The following RHEB variants were observed in gnomAD, a reference collection of about 807,000 sequenced individuals.
The protein encoded by RHEB is GTP-binding protein Rheb.
In RHEB, 2 loss-of-function variants were observed where a neutral mutation model predicts 28.8. The ratio of observed to expected loss-of-function variants is 0.07; its 90% confidence interval spans 0.03 to 0.22. RHEB has a LOEUF of 0.22. Among genes scored for constraint, RHEB ranks in the 10% least tolerant of loss-of-function variants. RHEB has a pLI of 1.00. For synonymous variants in RHEB, 69 were observed against 77.3 expected, an observed-to-expected ratio of 0.89 and a Z score of 0.56; for missense variants, 76 against 219.9, an observed-to-expected ratio of 0.35 and a Z score of 4.14.
intron 1 of RHEB, among the ~76,000 whole-genome samples, chr7:151,515,050 T>C (rs1417753641): frequency 2.0e-5 from 2 of 98,542 alleles, no homozygotes; most frequent in Admixed American, 9.8e-5. Context: ...GAAAAGTAAA[T>C]AAATAAAAAA....
intron 7 of RHEB, chr7:151,470,283 T>C (rs753136676): frequency 2.9e-5 from 6 of 209,290 alleles, no homozygotes; most frequent in Non-Finnish European, 4.7e-5. Flanking sequence ...GTACCAGCTA[T>C]TAATACAAAC....
At chr7:151,516,295 A>G (rs907687998) in intron 1 of RHEB, among the ~76,000 whole-genome samples, 36 of 152,212 alleles carry the variant, frequency 2.4e-4, no homozygotes, top group Non-Finnish European at 2.2e-4. Context: ...GGTAGTTCTG[A>G]CAACACTCAA....
chr7:151,499,254 A>G (rs1261505128), intron 1 of RHEB, among the ~76,000 whole-genome samples: 2 of 152,152 alleles, frequency 1.3e-5, no homozygotes, highest in African/African-American at 4.8e-5. Flanking sequence ...ATTACTGGGG[A>G]GGCTGAGGCA....
At chr7:151,485,815 G>A (rs1802463276) in intron 2 of RHEB, among the ~76,000 whole-genome samples, 1 of 152,192 alleles carries the variant, frequency 6.6e-6, no homozygotes, top group African/African-American at 2.4e-5. Context: ...AATCATCACA[G>A]AGAACCATAT....
At chr7:151,513,835 G>C (rs1207112627) in intron 1 of RHEB, among the ~76,000 whole-genome samples, 1 of 152,192 alleles carries the variant, frequency 6.6e-6, no homozygotes, top group Non-Finnish European at 1.5e-5. Flanking sequence ...GACATTAAAA[G>C]ATACCTGCAA....
chr7:151,519,452 C>A lies in RHEB; in HGVS notation c.52+8G>T, dbSNP rs1340021206. 18 of 1,456,486 alleles carry A rather than the reference C, an allele frequency of 1.2e-5. No homozygotes were observed. The highest frequency in any genetic ancestry group is 1.6e-5 in the Non-Finnish European group (18 of 1,097,156). 90.2% of individuals were successfully genotyped at this position (1,456,486 alleles called of 1,614,324 possible). On this transcript the variant is annotated splice_region_variant and intron_variant, in intron 1 of 7. Transcript: ENST00000262187. ...CGCGAGGAGGCCGCGCGGCCACCGG[C>A]CACTCACCCACAGACCGGTAGCCCA...
intron 1 of RHEB, chr7:151,502,883 G>T: frequency 1.2e-6 from 1 of 846,482 alleles, no homozygotes; most frequent in Non-Finnish European, 2.1e-6. Flanking sequence ...TGATATGTTT[G>T]ATCAGAGGTT....
chr7:151,474,714 C>A (rs1239233696), intron 4 of RHEB, among the ~76,000 whole-genome samples: 1 of 152,072 alleles, frequency 6.6e-6, no homozygotes, highest in African/African-American at 2.4e-5. Context: ...TCAGAAAGAG[C>A]AATTCTACAG....
chr7:151,499,540 G>A (rs1802733815), intron 1 of RHEB, among the ~76,000 whole-genome samples: 1 of 152,102 alleles, frequency 6.6e-6, no homozygotes, highest in Non-Finnish European at 1.5e-5. Context: ...TGAAATCACA[G>A]ATATAAAGCA....
At chr7:151,505,607 A>G (rs956851690) in intron 1 of RHEB, among the ~76,000 whole-genome samples, 2 of 152,226 alleles carry the variant, frequency 1.3e-5, no homozygotes, top group African/African-American at 4.8e-5. Flanking sequence ...TTTCTCCTAA[A>G]GTATACACTT....
chr7:151,517,366 C>T (rs367824031), intron 1 of RHEB, among the ~76,000 whole-genome samples: 4 of 110,074 alleles, frequency 3.6e-5, no homozygotes, highest in African/African-American at 1.2e-4. Context: ...GAAACTCCGT[C>T]TCGGAAAAAA....
At chr7:151,516,303 C>CA (rs951813106) in intron 1 of RHEB, among the ~76,000 whole-genome samples, 162 of 149,644 alleles carry the variant, frequency 1.1e-3, no homozygotes, top group Non-Finnish European at 1.7e-3. Flanking sequence ...TGACAACACT[C>CA]AAAAAAAAAG....
chr7:151,495,015 G>C (rs76031677), intron 1 of RHEB, among the ~76,000 whole-genome samples: 5,051 of 152,300 alleles, frequency 0.033, 268 homozygotes, highest in African/African-American at 0.11. Flanking sequence ...ACGTAGTTCA[G>C]ATCTTTTGGT....
In RHEB at chr7:151,484,758, T is replaced by C. The variant is rs1250535742; in HGVS notation, c.171A>G (p.Gln57=). ...ITVNGQEYHL[Q]LVDTAGQDEY... ...TTACTTGCCCGGCTGTGTCTACAAG[T>C]TGAAGATGATATTCTTGTCCATTTA... The change falls in exon 3 of 8, where the codon CAA becomes CAG. Residue 57 remains glutamine (Q), a synonymous_variant. Coordinates refer to ENST00000262187, the MANE Select transcript of RHEB (RefSeq NM_005614.4). 4.3e-6 allele frequency: 7 copies of C among 1,612,400 alleles called. No individual in the cohort carries two copies. The highest frequency in any genetic ancestry group is 5.1e-6 in the Non-Finnish European group (6 of 1,178,570).
intron 1 of RHEB, among the ~76,000 whole-genome samples, chr7:151,515,480 C>T (rs1584870811): frequency 6.6e-6 from 1 of 152,304 alleles, no homozygotes; most frequent in East Asian, 1.9e-4. Context: ...TCTGATTATG[C>T]TCTTGTGCAG....
At chr7:151,506,833 G>C (rs796593887) in intron 1 of RHEB, among the ~76,000 whole-genome samples, 4 of 152,248 alleles carry the variant, frequency 2.6e-5, no homozygotes, top group African/African-American at 9.6e-5. Context: ...TTTACTCTTT[G>C]GGGGGCCTTT....
At chr7:151,477,277 G>T (rs1802287185) in intron 4 of RHEB, 56 bp downstream of exon 4, 2 of 984,180 alleles carry the variant, frequency 2.0e-6, no homozygotes. Flanking sequence ...TCCCTTAAAA[G>T]GATCAATGTT....
At chr7:151,474,267 G>A (rs187960830) in intron 4 of RHEB, among the ~76,000 whole-genome samples, 2 of 151,112 alleles carry the variant, frequency 1.3e-5, no homozygotes, top group African/African-American at 2.4e-5. Context: ...TACAGTCTCC[G>A]CCTCCCAGGT....
In RHEB at chr7:151,472,300, C is replaced by G. The variant is rs1802175608; in HGVS notation, c.276-695G>C. Among the ~76,000 whole-genome samples, 1 of 152,190 alleles carries G rather than the reference C, an allele frequency of 6.6e-6. No homozygotes were observed. Among genetic ancestry groups the G allele is most frequent in the Admixed American group, 6.5e-5 (1 of 15,274 alleles). ...CACTGCTGCCGCTGAGGTGTGAATT[C>G]CTGGCCCAAGTCTGCCTGCATCAGT... On this transcript the variant is annotated intron_variant, in intron 4 of 7. Coordinates refer to ENST00000262187, the MANE Select transcript of RHEB (RefSeq NM_005614.4). The surrounding 1 kb of genome is among the most constrained non-coding windows in gnomAD (Gnocchi z 5.2).
Sources: allele counts gnomAD v4.1 joint callset (sites outside exome capture counted in the v4.1 genomes callset), GRCh38; gene constraint gnomAD v4.1.1; non-coding constraint Gnocchi (gnomAD v3.1); transcripts MANE v1.5; gene names NCBI Gene and HGNC (gene_info 2026-07-23, HGNC 2026-07-21).